Variants in FAT2 observed in about 807,000 individuals in gnomAD.
FAT2 encodes protocadherin Fat 2.
A neutral mutation model predicts 295.3 loss-of-function variants in FAT2; 150 were observed. That is an observed-to-expected ratio of 0.51 (90% CI 0.44 to 0.58). The LOEUF (loss-of-function observed/expected upper bound fraction) is 0.58, where lower values mean the gene tolerates loss of function less well. Ranked by LOEUF, FAT2 falls within the 20% of genes least tolerant of loss-of-function variation. FAT2 has a pLI of 0.00. For missense variants in FAT2, 4,868 were observed against 5,442.7 expected, an observed-to-expected ratio of 0.89 and a Z score of 3.32; for synonymous variants, 2,026 against 2,150.3, an observed-to-expected ratio of 0.94 and a Z score of 1.60.
intron 1 of FAT2, among the ~76,000 whole-genome samples, chr5:151,571,308 C>T (rs1758513188): frequency 6.6e-6 from 1 of 152,060 alleles, no homozygotes; most frequent in African/African-American, 2.4e-5. Context: ...AAGTTGAAAC[C>T]CCAAGGGAAA....
chr5:151,557,078 C>T (rs1014352038), intron 3 of FAT2, among the ~76,000 whole-genome samples: 1 of 152,132 alleles, frequency 6.6e-6, no homozygotes, highest in Admixed American at 6.5e-5. Flanking sequence ...AGCAGCCTCC[C>T]GTCAGGATGG....
rs760310139 is a variant in FAT2, at chr5:151,563,348, A to T, written c.3551T>A (p.Phe1184Tyr). The change falls in exon 3 of 24, where the codon TTC (phenylalanine) becomes TAC (tyrosine). Residue 1184 changes from phenylalanine to tyrosine, a missense_variant. Coordinates refer to ENST00000261800, the MANE Select transcript of FAT2 (RefSeq NM_001447.3). The stretch of plus-strand genomic sequence containing the variant: ...ACCTGTAACAGGGTGAATCATAAAG[A>T]ATCCCATGTAGTTCCCACTGGTGAT... ...FNITSGNYMG[F>Y]FMIHPVTGLL... is the part of the protein sequence containing the mutation. The T allele has an allele frequency of 6.2e-7, 1 of 1,614,128 alleles. No homozygotes were observed. Among genetic ancestry groups the T allele is most frequent in the Non-Finnish European group, 8.5e-7 (1 of 1,179,998 alleles).
intron 23 of FAT2, 81 bp downstream of exon 23, chr5:151,507,073 T>C: frequency 7.8e-7 from 1 of 1,284,306 alleles, no homozygotes; most frequent in Non-Finnish European, 1.1e-6. Context: ...TAAAAATGCC[T>C]GTGCCTCAGA....
rs1761205011 is a variant in FAT2, at chr5:151,510,106, A to C, written c.11974T>G (p.Phe3992Val). 2 of 1,614,098 alleles carry C rather than the reference A, an allele frequency of 1.2e-6. No homozygotes were observed. Among genetic ancestry groups the C allele is most frequent in the East Asian group, 4.5e-5 (2 of 44,878 alleles). The change falls in exon 22 of 24, where the codon TTT becomes GTT. Residue 3992 changes from phenylalanine (F) to valine (V), a missense_variant. By Grantham distance (50) the Phe-to-Val change is conservative (BLOSUM62 -1). Coordinates refer to ENST00000261800, the MANE Select transcript of FAT2 (RefSeq NM_001447.3). ...HCEQGRENCT[F>V]APCLEGGTCI... is the part of the protein sequence containing the mutation. ...GTTCCACCTTCCAGGCAGGGTGCAA[A>C]AGTACAGTTCTCCCTTCCTTGTTCA... is the stretch of plus-strand genomic sequence containing the variant.
intron 1 of FAT2, among the ~76,000 whole-genome samples, chr5:151,574,310 T>C (rs1488788318): frequency 6.6e-6 from 1 of 152,198 alleles, no homozygotes; most frequent in Non-Finnish European, 1.5e-5. Flanking sequence ...CTGTAATGGA[T>C]GGGTGATTCC....
In FAT2 at chr5:151,567,792, G is replaced by A. The variant is rs372667017; in HGVS notation, c.1140C>T (p.Arg380=). ...CTGGGGTGACTCTCACCATCACCACGCGGCTGCCAGGAGGGGAAAACTCAC... is the reference window on the plus strand; with the variant it reads ...CTGGGGTGACTCTCACCATCACCACACGGCTGCCAGGAGGGGAAAACTCAC... The part of the protein sequence containing the change: ...QLSEFSPPGS[R]VVMVRVTPAF... The change falls in exon 2 of 24, where the codon CGC becomes CGT. Residue 380 remains arginine, a synonymous_variant. Coordinates refer to ENST00000261800, the MANE Select transcript of FAT2 (RefSeq NM_001447.3). 98 of 1,614,024 alleles carry A rather than the reference G, an allele frequency of 6.1e-5. No individual in the cohort carries two copies. In the Admixed American group the frequency reaches 7.5e-4, roughly 12 times the overall value.
intron 1 of FAT2, among the ~76,000 whole-genome samples, chr5:151,569,650 A>G (rs1356066637): frequency 7.0e-6 from 1 of 143,768 alleles, no homozygotes; most frequent in Non-Finnish European, 1.5e-5. Context: ...CAGCAGCTAG[A>G]ACACAGTCCT....
rs1179613948 is a variant in FAT2, at chr5:151,566,133, C to T, written c.2799G>A (p.Lys933=). 4.3e-6 allele frequency: 7 copies of T among 1,614,160 alleles called. No individual in the cohort carries two copies. The highest frequency in any genetic ancestry group is 2.2e-5 in the South Asian group (2 of 91,068). The change falls in exon 2 of 24, where the codon AAG becomes AAA. Residue 933 remains lysine (K), a synonymous_variant. Transcript: ENST00000261800. ...TCCCGGGGGGCAGGTCCTCTGGAAC[C>T]TTCAGCCTGTTGTGTTCTGTGATGC... ...PQCITEHNRL[K]VPEDLPPGTV...
In FAT2 at chr5:151,553,263, G is replaced by T; in HGVS notation, c.4070C>A (p.Thr1357Lys). 6.2e-7 allele frequency: 1 copy of T among 1,614,262 alleles called. No individual in the cohort carries two copies. Among genetic ancestry groups the T allele is most frequent in the East Asian group, 2.2e-5 (1 of 44,888 alleles). The change falls in exon 6 of 24, where the codon ACG (threonine) becomes AAG (lysine). Residue 1357 changes from threonine to lysine, a missense_variant. Thr to Lys is a moderately conservative substitution (Grantham distance 78, BLOSUM62 -1). Coordinates refer to ENST00000261800, the MANE Select transcript of FAT2 (RefSeq NM_001447.3). ...LAFDETYYSFTVMETDPVNHM... is the reference protein window; with the variant it reads ...LAFDETYYSFKVMETDPVNHM... ...GTTCACAGGGTCCGTCTCCATGACC[G>T]TAAAGCTGTAGTAGGTCTCATCAAA...
intron 6 of FAT2, among the ~76,000 whole-genome samples, chr5:151,552,177 G>A (rs1195265252): frequency 6.6e-6 from 1 of 152,076 alleles, no homozygotes; most frequent in African/African-American, 2.4e-5. Flanking sequence ...AGGCTGGAGT[G>A]TATGGTGCAA....
chr5:151,562,268 A>G (rs550538711), intron 3 of FAT2, among the ~76,000 whole-genome samples: 34 of 152,252 alleles, frequency 2.2e-4, no homozygotes, highest in Non-Finnish European at 3.5e-4. Flanking sequence ...CTTTCCTCCA[A>G]TCTCACCAGG....
rs6881292 is a variant in FAT2, at chr5:151,511,983, A to G, written c.11905+182T>C. 106,276 of 606,962 alleles carry G rather than the reference A, an allele frequency of 0.18. 10,340 individuals carry two copies. Among genetic ancestry groups the G allele is most frequent in the Non-Finnish European group, 0.21 (69,993 of 339,576 alleles). 37.6% of individuals were successfully genotyped at this position (606,962 alleles called of 1,614,324 possible). A position where few individuals can be genotyped will look rare whatever the true frequency, so the allele number is the denominator to read the frequency against. On this transcript the variant is annotated intron_variant, in intron 21 of 23. Transcript: ENST00000261800. The stretch of plus-strand genomic sequence containing the variant: ...GAAAGATAGTTTTTGTTGAGAGGGA[A>G]GGAAGACTCCTGGCTTCCCCTAGTC...
Position 151,543,377 on chromosome 5 carries a change from G to C in FAT2, c.7750C>G (p.Gln2584Glu). The C allele has an allele frequency of 6.2e-7, 1 of 1,614,144 alleles. No individual in the cohort carries two copies. Among genetic ancestry groups the C allele is most frequent in the South Asian group, 1.1e-5 (1 of 91,072 alleles). The stretch of plus-strand genomic sequence containing the variant: ...ACTGTGTACTCAGATGCTTTGAACT[G>C]TGGGGGGTTGTCATTTTCATCTGTG... ...ILTDENDNPP[Q>E]FKASEYTVSI... is the part of the protein sequence containing the mutation. Residue 2584 changes from glutamine to glutamate, a missense_variant, in exon 10 of 24, where the codon CAG (glutamine) becomes GAG (glutamate). Around this residue, in one of 5 missense-constraint regions of FAT2, gnomAD observed 3,297 missense variants for 3,669.4 expected, o/e 0.90. Coordinates refer to ENST00000261800, the MANE Select transcript of FAT2 (RefSeq NM_001447.3).
At chr5:151,573,333 A>G (rs1758612967) in intron 1 of FAT2, among the ~76,000 whole-genome samples, 1 of 152,242 alleles carries the variant, frequency 6.6e-6, no homozygotes, top group Non-Finnish European at 1.5e-5. Flanking sequence ...TACCTGGCTT[A>G]TACTATTAAC....
At chr5:151,510,322 ATTGGTGC>A in intron 21 of FAT2, 148 bp from the exon 22 acceptor site, 3 of 880,562 alleles carry the variant, frequency 3.4e-6, no homozygotes, top group Non-Finnish European at 5.2e-6. Context: ...CGTGCTGGGC[ATTGGTGC>A]CCTGCTGAAC....
At chr5:151,587,151 A>AAAAAC (rs935500014) in intron 1 of FAT2, among the ~76,000 whole-genome samples, 1 of 147,838 alleles carries the variant, frequency 6.8e-6, no homozygotes, top group African/African-American at 2.6e-5. Context: ...CAAAAAAACA[A>AAAAAC]AAAACAAAAC....
chr5:151,549,602 A>G (rs1756990915), intron 8 of FAT2, 97 bp from the exon 9 acceptor site: 1 of 943,486 alleles, frequency 1.1e-6, no homozygotes, highest in Non-Finnish European at 1.7e-6. Flanking sequence ...AATTTAAAAT[A>G]TGCCCAATTG....
chr5:151,565,657 A>AACCCCCCCCC lies in FAT2; in HGVS notation c.3259+15_3259+16insGGGGGGGGGT. The AACCCCCCCCC allele has an allele frequency of 1.9e-6, 2 of 1,038,304 alleles. No individual in the cohort carries two copies. The highest frequency in any genetic ancestry group is 2.7e-6 in the Non-Finnish European group (2 of 741,736). 64.3% of individuals were successfully genotyped at this position (1,038,304 alleles called of 1,614,324 possible). ...ACCTCTGGCCCTGGCACCCCACCCTACCCCACCCCCAGTACCTGTATCTTG... is the reference window on the plus strand; with the variant it reads ...ACCTCTGGCCCTGGCACCCCACCCTAACCCCCCCCCCCCCACCCCCAGTACCTGTATCTTG... On this transcript the variant is annotated intron_variant, in intron 2 of 23. Transcript: ENST00000261800.
At chr5:151,507,005 C>T in intron 23 of FAT2, 149 bp downstream of exon 23, 1 of 664,384 alleles carries the variant, frequency 1.5e-6, no homozygotes, top group Middle Eastern at 2.9e-4. Flanking sequence ...CATCCGTGCC[C>T]TGTAATCTTG....
Sources: allele counts gnomAD v4.1 joint callset (sites outside exome capture counted in the v4.1 genomes callset), GRCh38; gene constraint gnomAD v4.1.1; regional missense constraint gnomAD v4.1.1; transcripts MANE v1.5; gene names NCBI Gene and HGNC (gene_info 2026-07-23, HGNC 2026-07-21).